The following PC variants were observed in gnomAD, a reference collection of about 807,000 sequenced individuals.
PC encodes pyruvate carboxylase, also known as pyruvate carboxylase, mitochondrial.
In PC, 46 loss-of-function variants were observed where a neutral mutation model predicts 107.8. The observed-to-expected ratio is 0.43, with a 90% confidence interval of 0.34 to 0.55. The LOEUF is 0.55. Ranked by LOEUF, PC falls within the 20% of genes least tolerant of loss-of-function variation. The pLI is 0.04. For synonymous variants in PC, 662 were observed against 684.7 expected (o/e 0.97, Z 0.52); for missense variants, 1,241 against 1,643.1 (o/e 0.76, Z 4.23).
At chr11:66,902,071 T>C (rs1413848390) in intron 3 of PC, among the ~76,000 whole-genome samples, 1 of 152,158 alleles carries the variant, frequency 6.6e-6, no homozygotes, top group African/African-American at 2.4e-5. Flanking sequence ...GCCAAGGCGA[T>C]AGTAAAGAAA....
chr11:66,894,725 T>C (rs1188768575), intron 3 of PC, among the ~76,000 whole-genome samples: 1 of 152,092 alleles, frequency 6.6e-6, no homozygotes, highest in Non-Finnish European at 1.5e-5. Context: ...CTGAAAGCTT[T>C]CAAAAAGCAA....
In PC at chr11:66,858,491, G is replaced by A. The variant is rs539362583; in HGVS notation, c.1369-5108C>T. ...AGCTGCTGTGGCTGCGGCGGCTGGC[G>A]CGGCCGGACGACCTGGAAACGTGCG... On this transcript the variant is annotated intron_variant, in intron 12 of 22. Transcript: ENST00000393960. The surrounding 1 kb of genome is among the most constrained non-coding windows in gnomAD (Gnocchi z 5.9). 1.2e-4 allele frequency: 179 copies of A among 1,538,594 alleles called. No individual in the cohort carries two copies. The East Asian group carries it at 3.7e-3, about 31-fold the overall frequency.
intron 3 of PC, among the ~76,000 whole-genome samples, chr11:66,876,483 C>T (rs1425378074): frequency 1.3e-5 from 2 of 152,218 alleles, no homozygotes; most frequent in Admixed American, 6.5e-5. Context: ...CCGCTAATGC[C>T]GCTGGAGGAG....
chr11:66,949,374 A>G (rs1949385101), intron 3 of PC, among the ~76,000 whole-genome samples: 2 of 151,990 alleles, frequency 1.3e-5, no homozygotes, highest in South Asian at 4.1e-4. Context: ...GTTTCATCAA[A>G]TTTGCAAATG....
chr11:66,942,378 C>A (rs376316387), intron 3 of PC, among the ~76,000 whole-genome samples: 3 of 142,246 alleles, frequency 2.1e-5, no homozygotes, highest in African/African-American at 8.3e-5. Context: ...CCAGCCTGGG[C>A]GACAGAGCGA....
intron 3 of PC, among the ~76,000 whole-genome samples, chr11:66,903,791 T>TATATATATAC (rs1161764120): frequency 8.3e-6 from 1 of 120,440 alleles, no homozygotes; most frequent in African/African-American, 3.1e-5. Flanking sequence ...TATATATATA[T>TATATATATAC]ACACACACCC....
At chr11:66,926,413 G>C (rs1357870024) in intron 3 of PC, among the ~76,000 whole-genome samples, 1 of 152,112 alleles carries the variant, frequency 6.6e-6, no homozygotes, top group Non-Finnish European at 1.5e-5. Context: ...TTTTTAAAAA[G>C]CTTATCAGAC....
At chr11:66,919,149 C>T (rs1435968653) in intron 3 of PC, among the ~76,000 whole-genome samples, 1 of 152,210 alleles carries the variant, frequency 6.6e-6, no homozygotes, top group Non-Finnish European at 1.5e-5. Context: ...GGTGCGGTGG[C>T]TCAGGCTTGT....
In PC at chr11:66,852,516, C is replaced by T. The variant is rs119103242; in HGVS notation, c.1748G>A (p.Arg583His). Residue 583 changes from arginine to histidine, a missense_variant, in exon 15 of 23, where the codon CGC (arginine) becomes CAC (histidine). This residue lies in a region of PC where 1,143 missense variants were observed against 1,551.9 expected (regional missense o/e 0.74). Coordinates refer to ENST00000393960, the MANE Select transcript of PC (RefSeq NM_001040716.2). This position sits in a 1 kb window ranked among gnomAD's most constrained non-coding sequence, Gnocchi z 4.7. ...AHQSLLATRV[R>H]THDLKKIAPY... ...GGCGATCTTTTTGAGATCGTGGGTG[C>T]GCACACGAGTGGCCAGCAGTGACTG... The T allele has an allele frequency of 4.3e-6, 7 of 1,614,066 alleles. No homozygotes were observed. Among genetic ancestry groups the T allele is most frequent in the Non-Finnish European group, 2.5e-6 (3 of 1,180,026 alleles).
chr11:66,861,481 G>A (rs1204008558), intron 12 of PC, among the ~76,000 whole-genome samples: 1 of 152,254 alleles, frequency 6.6e-6, no homozygotes, highest in Non-Finnish European at 1.5e-5. Flanking sequence ...GTGTTCACGT[G>A]TGCATGGACC....
At chr11:66,931,946 G>C (rs1948866044) in intron 3 of PC, among the ~76,000 whole-genome samples, 1 of 151,380 alleles carries the variant, frequency 6.6e-6, no homozygotes, top group African/African-American at 2.4e-5. Context: ...GTGAACCCGG[G>C]AGGCGGAGCT....
chr11:66,945,891 C>T (rs1463319922), intron 3 of PC, among the ~76,000 whole-genome samples: 3 of 145,738 alleles, frequency 2.1e-5, no homozygotes, highest in Non-Finnish European at 3.0e-5. Context: ...TCGAGACCAT[C>T]CTGGCTAACA....
At chr11:66,850,984 G>A in intron 17 of PC, 56 bp downstream of exon 17, 1 of 1,609,068 alleles carries the variant, frequency 6.2e-7, no homozygotes, top group African/African-American at 1.3e-5. Context: ...TGTGCCTGTG[G>A]GTGGCGGGGA....
In PC at chr11:66,871,228, G is replaced by T. The variant is rs1946717638; in HGVS notation, c.488-31C>A. On this transcript the variant is annotated intron_variant, in intron 6 of 22. Coordinates refer to ENST00000393960, the MANE Select transcript of PC (RefSeq NM_001040716.2). This position sits in a 1 kb window ranked among gnomAD's most constrained non-coding sequence, Gnocchi z 7.4. ...GGGAGAAAGGTGTGGGGGAGTCTCT[G>T]TAACAGGCGGGAATCCCTGCCACCC... The T allele has an allele frequency of 1.2e-6, 2 of 1,613,330 alleles. No homozygotes were observed. The highest frequency in any genetic ancestry group is 1.7e-6 in the Non-Finnish European group (2 of 1,179,492).
At chr11:66,932,087 C>T (rs556320916) in intron 3 of PC, among the ~76,000 whole-genome samples, 2 of 152,072 alleles carry the variant, frequency 1.3e-5, no homozygotes, top group South Asian at 4.2e-4. Context: ...GGCAGACCAC[C>T]TCCAAGAGGA....
rs1226854401 is a variant in PC, at chr11:66,927,260, C to CCA, written c.-1+25169_-1+25170insTG. 4.9e-3 allele frequency among the ~76,000 whole-genome samples: 708 copies of CCA among 145,910 alleles called. 5 individuals are homozygous for CCA. The highest frequency in any genetic ancestry group is 0.017 in the African/African-American group (670 of 39,324). On this transcript the variant is annotated intron_variant, in intron 3 of 22. Transcript: ENST00000393960. ...TCCAGGCTGGCCTCCCCTAGTCATG[C>CCA]TTTAATTAGTCAAGGACTTGAACTC...
intron 3 of PC, among the ~76,000 whole-genome samples, chr11:66,948,649 G>A (rs1382822665): frequency 6.6e-6 from 1 of 152,126 alleles, no homozygotes; most frequent in East Asian, 1.9e-4. Context: ...AGATGAGCCT[G>A]GGCAATGTGG....
rs1410621085 is a variant in PC, at chr11:66,875,214, C to T, written c.1-3055G>A. ...GCAATTCAGAGGCTGAGCTGAGAGA[C>T]GCGGAGCCTCTGACAGGGGGAAGCT... On this transcript the variant is annotated intron_variant, in intron 3 of 22. Transcript: ENST00000393960. Among the ~76,000 whole-genome samples, 10 of 144,172 alleles carry T rather than the reference C, an allele frequency of 6.9e-5. 1 individual carries two copies. The highest frequency in any genetic ancestry group is 6.3e-3 in the Middle Eastern group (2 of 316). The allele number at this position is 144,172 out of a possible 152,430, so 94.6% of individuals were successfully genotyped here. A position where few individuals can be genotyped will look rare whatever the true frequency, so the allele number is the denominator to read the frequency against.
rs2135789388 is a variant in PC at position 66,849,692 on chromosome 11, G to A, written c.3066C>T (p.Asp1022=). ...CCAGGGGGCCAAAGGTGGCAGTGAA[G>A]TCCTTGAAGTGGGCAAACACATCGG... is the stretch of plus-strand genomic sequence containing the variant. ...MYPDVFAHFK[D]FTATFGPLDS... Residue 1022 remains aspartate (D), a synonymous_variant, in exon 21 of 23, where the codon GAC becomes GAT. Coordinates refer to ENST00000393960, the MANE Select transcript of PC (RefSeq NM_001040716.2). 1.2e-6 allele frequency: 2 copies of A among 1,614,238 alleles called. No individual in the cohort carries two copies. The highest frequency in any genetic ancestry group is 1.7e-6 in the Non-Finnish European group (2 of 1,180,044).
Sources: allele counts gnomAD v4.1 joint callset (sites outside exome capture counted in the v4.1 genomes callset), GRCh38; gene constraint gnomAD v4.1.1; regional missense constraint gnomAD v4.1.1; non-coding constraint Gnocchi (gnomAD v3.1); transcripts MANE v1.5; gene names NCBI Gene and HGNC (gene_info 2026-07-23, HGNC 2026-07-21).